Variants in LNX1 observed in about 807,000 individuals in gnomAD.
LNX1 encodes the protein E3 ubiquitin-protein ligase LNX.
Under a neutral mutation model 68.4 loss-of-function variants are expected in LNX1, and 54 were observed. That is an observed-to-expected ratio of 0.79 (90% CI 0.63 to 0.99). The LOEUF (loss-of-function observed/expected upper bound fraction) is 0.99. LNX1 is among the 50% of genes least tolerant of loss of function. LNX1 has a pLI of 0.00. For synonymous variants in LNX1, 336 were observed against 350.0 expected, an observed-to-expected ratio of 0.96 and a Z score of 0.45; for missense variants, 906 against 926.4, an observed-to-expected ratio of 0.98 and a Z score of 0.29.
intron 2 of LNX1, among the ~76,000 whole-genome samples, chr4:53,566,681 C>A (rs535181097): frequency 0.016 from 2,471 of 152,050 alleles, 74 homozygotes; most frequent in African/African-American, 0.057. Flanking sequence ...ACTAAATGCT[C>A]CAACTAAAAG....
intron 2 of LNX1, among the ~76,000 whole-genome samples, chr4:53,568,517 A>G (rs1416728757): frequency 1.3e-5 from 2 of 151,686 alleles, no homozygotes; most frequent in South Asian, 2.1e-4. Flanking sequence ...AGAGCTATCT[A>G]TGACAAACCT....
At chr4:53,464,749 G>A (rs746649217) in intron 9 of LNX1, among the ~76,000 whole-genome samples, 2 of 148,806 alleles carry the variant, frequency 1.3e-5, no homozygotes, top group Non-Finnish European at 3.0e-5. Context: ...ATCTCACGTA[G>A]AAATGTTCAG....
chr4:53,624,110 C>T (rs1416148919), intron 1 of LNX1, among the ~76,000 whole-genome samples: 5 of 152,184 alleles, frequency 3.3e-5, no homozygotes, highest in Admixed American at 6.5e-5. Flanking sequence ...GTCCTCCTTA[C>T]TTGTTTCCTC....
rs762969714 is a variant in LNX1, at chr4:53,508,180, C to T, written c.428G>A (p.Arg143His). The T allele has an allele frequency of 1.9e-6, 3 of 1,614,148 alleles. No individual in the cohort carries two copies. Among genetic ancestry groups the T allele is most frequent in the Admixed American group, 1.7e-5 (1 of 60,030 alleles). ...HYGLTKDRKR[R>H]SQDGCPDGCA... is the part of the protein sequence containing the mutation. ...GCCGTCTGGACAGCCATCTTGTGAG[C>T]GCCTCTTCCTATCTTTGGTCAGGCC... is the stretch of plus-strand genomic sequence containing the variant. Residue 143 changes from arginine (R) to histidine (H), a missense_variant, in exon 3 of 11, where the codon CGC becomes CAC. Physicochemically the swap from Arg to His is conservative, Grantham distance 29. Coordinates refer to ENST00000263925, the MANE Select transcript of LNX1 (RefSeq NM_001126328.3).
At chr4:53,536,259 A>G (rs1016951484) in intron 2 of LNX1, among the ~76,000 whole-genome samples, 2 of 152,208 alleles carry the variant, frequency 1.3e-5, no homozygotes, top group African/African-American at 4.8e-5. Flanking sequence ...CCCATGGGAA[A>G]TACCTAACAA....
At chr4:53,578,514 T>A (rs1731636891) in intron 1 of LNX1, among the ~76,000 whole-genome samples, 1 of 152,224 alleles carries the variant, frequency 6.6e-6, no homozygotes, top group South Asian at 2.1e-4. Context: ...TTTAATCTTA[T>A]GGGATCACCA....
intron 1 of LNX1, among the ~76,000 whole-genome samples, chr4:53,585,364 C>T (rs1732101330): frequency 6.6e-6 from 1 of 152,106 alleles, no homozygotes; most frequent in Admixed American, 6.5e-5. Flanking sequence ...TTTCAGCCTC[C>T]AAGTGGACAA....
At chr4:53,506,213 A>T (rs60271606) in intron 4 of LNX1, among the ~76,000 whole-genome samples, 2,568 of 152,248 alleles carry the variant, frequency 0.017, 71 homozygotes, top group African/African-American at 0.059. Flanking sequence ...TAGTTACCTA[A>T]TCCCTCTGGG....
rs115613709 is a variant in LNX1 at position 53,584,718 on chromosome 4, C to T, written c.-87+6670G>A. Among the ~76,000 whole-genome samples the T allele has an allele frequency of 8.8e-3, 1,347 of 152,212 alleles. 13 individuals are homozygous for T. Among genetic ancestry groups the T allele is most frequent in the African/African-American group, 0.03 (1,253 of 41,534 alleles). The stretch of plus-strand genomic sequence containing the variant: ...TATTTAGAAGTCATAGGATTTTGAT[C>T]GGTTAAGGAACTTAGATTTTCACCA... On this transcript the variant is annotated intron_variant, in intron 1 of 10. Transcript: ENST00000263925.
At chr4:53,620,622 A>G (rs1398922077), upstream of LNX1, among the ~76,000 whole-genome samples, 2 of 152,214 alleles carry the variant, frequency 1.3e-5, no homozygotes, top group Non-Finnish European at 2.9e-5. Context: ...CCACTGATGG[A>G]TGCACTGAAG....
chr4:53,648,518 T>G (rs543000357), intron 1 of LNX1, among the ~76,000 whole-genome samples: 24 of 152,356 alleles, frequency 1.6e-4, no homozygotes, highest in African/African-American at 5.3e-4. Context: ...CCTTCTCAGA[T>G]AGATGATTTG....
chr4:53,554,103 A>C (rs926729904), intron 2 of LNX1, among the ~76,000 whole-genome samples: 1 of 152,128 alleles, frequency 6.6e-6, no homozygotes, highest in African/African-American at 2.4e-5. Context: ...CTAGGTGGAG[A>C]CTGTTAGGGA....
At chr4:53,576,097 G>C in intron 1 of LNX1, 4 of 1,551,934 alleles carry the variant, frequency 2.6e-6, no homozygotes, top group Non-Finnish European at 3.5e-6. Context: ...CTTGGCCAGC[G>C]TGGTATTTGG....
chr4:53,583,540 C>A (rs1285205625), intron 1 of LNX1, among the ~76,000 whole-genome samples: 7 of 141,704 alleles, frequency 4.9e-5, no homozygotes, highest in African/African-American at 1.8e-4. Flanking sequence ...ATTGCAAACA[C>A]CCAAAAATAC....
At chr4:53,521,608 A>G (rs1284694868) in intron 2 of LNX1, among the ~76,000 whole-genome samples, 1 of 152,212 alleles carries the variant, frequency 6.6e-6, no homozygotes, top group Non-Finnish European at 1.5e-5. Flanking sequence ...TTGCTAAATG[A>G]GCTTCCTCTT....
intron 2 of LNX1, 35 bp from the exon 3 acceptor site, chr4:53,508,262 T>C: frequency 6.2e-7 from 1 of 1,600,606 alleles, no homozygotes; most frequent in Non-Finnish European, 8.5e-7. Context: ...GAAGAAGAGC[T>C]TTGGCTCTGC....
At chr4:53,524,004 T>C (rs1480428734) in intron 2 of LNX1, among the ~76,000 whole-genome samples, 1 of 152,234 alleles carries the variant, frequency 6.6e-6, no homozygotes, top group African/African-American at 2.4e-5. Flanking sequence ...TAGTCTTAAA[T>C]TGACCATCAA....
At chr4:53,575,437 C>A (rs12650358) in intron 1 of LNX1, 548,388 of 900,550 alleles carry the variant, frequency 0.61, 168,409 homozygotes, top group Non-Finnish European at 0.62. Context: ...AGCGCCAACT[C>A]TGAGCTAGGT....
intron 7 of LNX1, among the ~76,000 whole-genome samples, chr4:53,479,658 A>G (rs1723792925): frequency 6.6e-6 from 1 of 152,144 alleles, no homozygotes; most frequent in Admixed American, 6.5e-5. Flanking sequence ...TTTTTTCGCC[A>G]TTCTCCTCAC....
Sources: gnomAD v4.1 joint callset for allele counts (sites outside exome capture counted in the v4.1 genomes callset) on GRCh38, gnomAD v4.1.1 for gene constraint, MANE v1.5 for transcripts, NCBI Gene and HGNC (gene_info 2026-07-23, HGNC 2026-07-21) for gene names.